DMD: variants seen among roughly 807,000 people sequenced by gnomAD.
The protein encoded by DMD is dystrophin, also known as mutant dystrophin.
DMD carries 63 observed loss-of-function variants against 330.1 expected under a neutral mutation model. The observed-to-expected ratio is 0.19, with a 90% CI of 0.16 to 0.24. The LOEUF (loss-of-function observed/expected upper bound fraction) is 0.24, where lower values mean the gene tolerates loss of function less well. Ranked by LOEUF, DMD falls within the 10% of genes least tolerant of loss-of-function variation. The probability of loss-of-function intolerance (pLI) is 1.00; values close to 1 mark genes in which losing one functional copy is unlikely to be tolerated. For synonymous variants in DMD, 1,223 were observed against 959.8 expected (o/e 1.27, Z -5.07); for missense variants, 3,344 against 2,684.1 (o/e 1.25, Z -5.43).
At chrX:32,302,181 A>G (rs1177002769) in intron 42 of DMD, among the ~76,000 whole-genome samples, 1 of 111,385 alleles carries the variant, frequency 9.0e-6, no homozygotes, top group African/African-American at 3.2e-5. Context: ...ATACTTCAGT[A>G]TAGTATTCAC....
At chrX:31,493,897 C>T (rs189018198) in intron 57 of DMD, among the ~76,000 whole-genome samples, 4 of 111,261 alleles carry the variant, frequency 3.6e-5, no homozygotes, top group East Asian at 2.8e-4. Context: ...CGGTGGCTCA[C>T]GCCTGTAATC....
chrX:32,741,886 A>G (rs148397405), intron 7 of DMD, among the ~76,000 whole-genome samples: 132 of 112,306 alleles, frequency 1.2e-3, no homozygotes, highest in Non-Finnish European at 2.2e-3. Context: ...TTGTTAGGCA[A>G]AAGTTGAAGC....
At chrX:32,304,173 T>G (rs771947642) in intron 42 of DMD, among the ~76,000 whole-genome samples, 2 of 111,390 alleles carry the variant, frequency 1.8e-5, no homozygotes, top group African/African-American at 6.5e-5. Flanking sequence ...GAAGCACAGC[T>G]TCAACCGTTT....
At chrX:32,560,135 C>T (rs1414881023) in intron 16 of DMD, among the ~76,000 whole-genome samples, 1 of 107,827 alleles carries the variant, frequency 9.3e-6, no homozygotes, top group Non-Finnish European at 1.9e-5. Context: ...AGAAAGAAGA[C>T]AATTTATTCT....
chrX:32,360,663 C>G (rs780850883), intron 37 of DMD, among the ~76,000 whole-genome samples: 2 of 108,466 alleles, frequency 1.8e-5, no homozygotes, highest in Non-Finnish European at 3.8e-5. Flanking sequence ...GGCGCCCGCC[C>G]GTAATCCCAG....
chrX:33,312,129 CAGGAATAAAAA>C (rs2053858894), intron 1 of DMD, among the ~76,000 whole-genome samples: 1 of 108,670 alleles, frequency 9.2e-6, no homozygotes, highest in African/African-American at 3.4e-5. Context: ...TTTTTATACA[CAGGAATAAAAA>C]AGGAATAAAA....
intron 1 of DMD, among the ~76,000 whole-genome samples, chrX:33,308,018 C>G (rs185417189): frequency 8.9e-6 from 1 of 111,898 alleles, no homozygotes; most frequent in Admixed American, 9.5e-5. Context: ...TATTATCATA[C>G]TTGGAAACAC....
At chrX:32,298,990 T>A (rs766953136) in intron 42 of DMD, among the ~76,000 whole-genome samples, 1 of 111,351 alleles carries the variant, frequency 9.0e-6, no homozygotes, top group East Asian at 2.9e-4. Flanking sequence ...GGTGGGATTA[T>A]ATACACCTTC....
At chrX:31,691,954 T>C (rs1201283754) in intron 52 of DMD, among the ~76,000 whole-genome samples, 1 of 111,774 alleles carries the variant, frequency 8.9e-6, no homozygotes, top group Admixed American at 9.5e-5. Flanking sequence ...CATTGTGCCC[T>C]GAACAGTAGG....
intron 7 of DMD, among the ~76,000 whole-genome samples, chrX:32,791,999 C>T (rs979462718): frequency 9.0e-6 from 1 of 111,542 alleles, no homozygotes; most frequent in Non-Finnish European, 1.9e-5. Context: ...AGAAAAGCAC[C>T]TTGTCACTTA....
chrX:33,155,562 T>A (rs932291856), intron 1 of DMD, among the ~76,000 whole-genome samples: 2 of 111,221 alleles, frequency 1.8e-5, no homozygotes, highest in African/African-American at 6.5e-5. Flanking sequence ...GTGATCCACC[T>A]GCTTTGGCCT....
chrX:33,145,594 T>C (rs1367397167), intron 1 of DMD, among the ~76,000 whole-genome samples: 5 of 107,948 alleles, frequency 4.6e-5, no homozygotes, highest in African/African-American at 1.7e-4. Flanking sequence ...TAAAGTAAGA[T>C]AATATTTATC....
rs2048410763 is a variant in DMD, at chrX:32,540,723, C to A, written c.2168+4436G>T. 3.6e-5 allele frequency among the ~76,000 whole-genome samples: 4 copies of A among 111,307 alleles called. No homozygotes were observed. In the South Asian group the frequency reaches 1.5e-3, roughly 41 times the overall value. ...AATAGGCTTCCTTTGTTTTGACGGG[C>A]AATGAGAAATTTTATGTGAGTGGCA... On this transcript the variant is annotated intron_variant, in intron 17 of 78. Coordinates refer to ENST00000357033, the MANE Select transcript of DMD (RefSeq NM_004006.3).
chrX:32,652,234 C>A (rs1413465318), intron 9 of DMD, among the ~76,000 whole-genome samples: 1 of 109,188 alleles, frequency 9.2e-6, no homozygotes, highest in Admixed American at 9.8e-5. Flanking sequence ...GTGCTACACC[C>A]ATTAACTCGT....
intron 12 of DMD, among the ~76,000 whole-genome samples, chrX:32,602,601 G>C (rs1055170107): frequency 1.8e-5 from 2 of 110,990 alleles, no homozygotes; most frequent in Admixed American, 9.6e-5. Flanking sequence ...TTCCCTTATA[G>C]TCTCTTTTTC....
chrX:32,848,391 T>TC (rs1457192578), intron 3 of DMD, among the ~76,000 whole-genome samples: 30 of 111,889 alleles, frequency 2.7e-4, no homozygotes, highest in Non-Finnish European at 5.3e-4. Flanking sequence ...CAAATCTATC[T>TC]CTAACTAGTG....
At chrX:31,505,702 C>T (rs752880582) in intron 56 of DMD, among the ~76,000 whole-genome samples, 43 of 110,473 alleles carry the variant, frequency 3.9e-4, no homozygotes, top group African/African-American at 1.3e-3. Context: ...GGTGCGATCT[C>T]GGCTCACTGC....
intron 2 of DMD, among the ~76,000 whole-genome samples, chrX:32,870,260 A>G (rs777779452): frequency 3.6e-5 from 4 of 111,788 alleles, no homozygotes; most frequent in Non-Finnish European, 7.5e-5. Context: ...AAGGAGAGCT[A>G]CAAACCACTG....
At chrX:31,585,869 G>A (rs897516240) in intron 55 of DMD, among the ~76,000 whole-genome samples, 12 of 110,733 alleles carry the variant, frequency 1.1e-4, no homozygotes, top group Non-Finnish European at 5.7e-5. Context: ...TCATCTAAAT[G>A]TCTTCAGTGG....
Sources: allele counts gnomAD v4.1 joint callset (sites outside exome capture counted in the v4.1 genomes callset), GRCh38; gene constraint gnomAD v4.1.1; transcripts MANE v1.5; gene names NCBI Gene and HGNC (gene_info 2026-07-23, HGNC 2026-07-21).